NPHS1: variants seen among roughly 807,000 people sequenced by gnomAD.
The protein encoded by NPHS1 is nephrin.
In NPHS1, 107 loss-of-function variants were observed where a neutral mutation model predicts 139.7. The ratio of observed to expected loss-of-function variants is 0.77; its 90% CI spans 0.66 to 0.90. The LOEUF (loss-of-function observed/expected upper bound fraction) is 0.90, where lower values mean the gene tolerates loss of function less well. Among genes scored for constraint, NPHS1 ranks in the 40% least tolerant of loss-of-function variants. The pLI, the probability that NPHS1 is intolerant of heterozygous loss-of-function variation, is 0.00. For missense variants in NPHS1, 1,580 were observed against 1,654.2 expected (o/e 0.96, Z 0.78); for synonymous variants, 707 against 706.6 (o/e 1.00, Z -0.01).
chr19:35,840,805 C>G (rs562589747), intron 20 of NPHS1, among the ~76,000 whole-genome samples: 1 of 151,096 alleles, frequency 6.6e-6, no homozygotes, highest in East Asian at 2.0e-4. Flanking sequence ...TCTTCTGCCT[C>G]AGCCTCCCGA....
At position 35,845,915 on chromosome 19, in the gene NPHS1, G is replaced by T. The variant is rs1973133261; in HGVS notation, c.1627+93C>A. ...CGGGTCCCCCACCCCGCCTCCGCCCGCTTTCCCCGGGTCCAGGGTTCGCTG... is the reference window on the plus strand; with the variant it reads ...CGGGTCCCCCACCCCGCCTCCGCCCTCTTTCCCCGGGTCCAGGGTTCGCTG... On this transcript the variant is annotated intron_variant, in intron 12 of 28. Transcript: ENST00000378910. This position sits in a 1 kb window ranked among gnomAD's most constrained non-coding sequence, Gnocchi z 5.5. 2 of 1,521,698 alleles carry T rather than the reference G, an allele frequency of 1.3e-6. No homozygotes were observed. The highest frequency in any genetic ancestry group is 1.4e-5 in the African/African-American group (1 of 72,628). The allele number at this position is 1,521,698 out of a possible 1,614,324, so 94.3% of individuals were successfully genotyped here.
At position 35,845,370 on chromosome 19, in the gene NPHS1, A is replaced by G. The variant is rs386833898; in HGVS notation, c.1928T>C (p.Leu643Pro). The G allele has an allele frequency of 6.2e-7, 1 of 1,614,236 alleles. No individual in the cohort carries two copies. Among genetic ancestry groups the G allele is most frequent in the South Asian group, 1.1e-5 (1 of 91,082 alleles). The change falls in exon 14 of 29, where the codon CTG becomes CCG. Residue 643 changes from leucine to proline, a missense_variant and splice_region_variant. Leu to Pro is a moderately conservative substitution (Grantham distance 98, BLOSUM62 -3). Coordinates refer to ENST00000378910, the MANE Select transcript of NPHS1 (RefSeq NM_004646.4). The surrounding 1 kb of genome is among the most constrained non-coding windows in gnomAD (Gnocchi z 5.5). ...GGCTTTCAGGCCGGGGCACATACAC[A>G]GTACGTTGAGGCGATAGAAGGAGCT... ...TVSSFYRLNVLYRPEFLGEQV... is the reference protein window; with the variant it reads ...TVSSFYRLNVPYRPEFLGEQV...
Position 35,826,447 on chromosome 19 carries a change from C to G in NPHS1, c.*67G>C. The G allele has an allele frequency of 6.3e-7, 1 of 1,598,774 alleles. No individual in the cohort carries two copies. The highest frequency in any genetic ancestry group is 8.6e-7 in the Non-Finnish European group (1 of 1,167,924). The stretch of plus-strand genomic sequence containing the variant: ...GCTCACCTAACCAGCTCGGCCCAGG[C>G]TGTAATGAGAGAGACCAGTGGAGTG... On this transcript the variant is annotated 3_prime_UTR_variant, in exon 29 of 29. Coordinates refer to ENST00000378910, the MANE Select transcript of NPHS1 (RefSeq NM_004646.4).
intron 23 of NPHS1, among the ~76,000 whole-genome samples, chr19:35,833,062 T>G (rs1185798799): frequency 6.0e-5 from 9 of 150,130 alleles, no homozygotes; most frequent in Non-Finnish European, 1.2e-4. Context: ...TTTTTTTTTT[T>G]TTTGTATTTT....
chr19:35,842,342 GGCA>G, intron 18 of NPHS1, 34 bp downstream of exon 18: 1 of 1,612,692 alleles, frequency 6.2e-7, no homozygotes, highest in Non-Finnish European at 8.5e-7. Flanking sequence ...TGGGTTCAGT[GGCA>G]GGTCTTGAAG....
rs1490164118 is a variant in NPHS1 at position 35,850,262 on chromosome 19, T to C, written c.608+102A>G. Reference sequence around the variant, plus strand: ...TCAGGATGAAGAATTGGGTCCCAGATGTTCATACCTAGCCCAAGCTTCATG... The same window carrying C: ...TCAGGATGAAGAATTGGGTCCCAGACGTTCATACCTAGCCCAAGCTTCATG... On this transcript the variant is annotated intron_variant, in intron 5 of 28. Coordinates refer to ENST00000378910, the MANE Select transcript of NPHS1 (RefSeq NM_004646.4). 50 of 887,070 alleles carry C rather than the reference T, an allele frequency of 5.6e-5. No individual in the cohort carries two copies. The Admixed American group carries it at 9.2e-4, about 16-fold the overall frequency. 54.9% of individuals were successfully genotyped at this position (887,070 alleles called of 1,614,324 possible). A position where few individuals can be genotyped will look rare whatever the true frequency, so the allele number is the denominator to read the frequency against.
In NPHS1 at chr19:35,843,542, C is replaced by T. The variant is rs750854389; in HGVS notation, c.2264G>A (p.Gly755Asp). 34 of 1,613,964 alleles carry T rather than the reference C, an allele frequency of 2.1e-5. No individual in the cohort carries two copies. Among genetic ancestry groups the T allele is most frequent in the Non-Finnish European group, 2.8e-5 (33 of 1,179,986 alleles). Residue 755 changes from glycine to aspartate, a missense_variant, in exon 17 of 29, where the codon GGT (glycine) becomes GAT (aspartate). Gly to Asp is a moderately conservative substitution (Grantham distance 94). Transcript: ENST00000378910. Reference protein sequence around the residue: ...LQDPTEVNVGGSVDIVCTVDA... With the variant: ...LQDPTEVNVGDSVDIVCTVDA... ...GACAGTGCAGACTATGTCCACAGAA[C>T]CCCCGACGTTCACCTCAGTGGGGTC...
rs760440966 is a variant in NPHS1, at chr19:35,831,346, C to T, written c.3337G>A (p.Glu1113Lys). Reference protein sequence around the residue: ...AGSEEDRVRNEYEESQWTGER... With the variant: ...AGSEEDRVRNKYEESQWTGER... ...CCTGTCCACTGGCTCTCCTCATATT[C>T]GTTCCTGACTCGGTCCTCTTCCGAC... Residue 1113 changes from glutamate to lysine, a missense_variant, in exon 26 of 29, where the codon GAA becomes AAA. Physicochemically the swap from Glu to Lys is moderately conservative, Grantham distance 56. Transcript: ENST00000378910. 21 of 1,613,960 alleles carry T rather than the reference C, an allele frequency of 1.3e-5. No individual in the cohort carries two copies. In the East Asian group the frequency reaches 1.3e-4, roughly 10 times the overall value.
Position 35,849,002 on chromosome 19 carries a change from T to C in NPHS1, c.986A>G (p.Glu329Gly). 6.2e-7 allele frequency: 1 copy of C among 1,612,230 alleles called. No homozygotes were observed. Among genetic ancestry groups the C allele is most frequent in the Non-Finnish European group, 8.5e-7 (1 of 1,180,038 alleles). The change falls in exon 8 of 29, where the codon GAG (glutamate) becomes GGG (glycine). Residue 329 changes from glutamate to glycine, a missense_variant. Physicochemically the swap from Glu to Gly is moderately conservative, Grantham distance 98. Coordinates refer to ENST00000378910, the MANE Select transcript of NPHS1 (RefSeq NM_004646.4). ...GGTGACCTGCAGTGTGATGCCGTGCTCCTGGGTCCCTGCAGACACGCTGTT... is the reference window on the plus strand; with the variant it reads ...GGTGACCTGCAGTGTGATGCCGTGCCCCTGGGTCCCTGCAGACACGCTGTT... ...AHNSVSAGTQ[E>G]HGITLQVTFP...
chr19:35,839,604 C>T lies in NPHS1; in HGVS notation c.2819G>A (p.Arg940His), dbSNP rs772278981. Residue 940 changes from arginine (R) to histidine (H), a missense_variant, in exon 21 of 29, where the codon CGC becomes CAC. Arg to His is a conservative substitution (Grantham distance 29). Transcript: ENST00000378910. Reference sequence around the variant, plus strand: ...CTTTAATCCTGATGGAGGGTCAGGGCGGCCTATGGGGAGAAAGATGGGAAA... The same window carrying T: ...CTTTAATCCTGATGGAGGGTCAGGGTGGCCTATGGGGAGAAAGATGGGAAA... The part of the protein sequence containing the change: ...QTNIQLVSIS[R>H]PDPPSGLKVV... 6.8e-6 allele frequency: 11 copies of T among 1,613,058 alleles called. No individual in the cohort carries two copies. Among genetic ancestry groups the T allele is most frequent in the South Asian group, 3.3e-5 (3 of 91,062 alleles).
Position 35,851,492 on chromosome 19 carries a change from A to G in NPHS1, c.239T>C (p.Phe80Ser). The G allele has an allele frequency of 6.2e-7, 1 of 1,613,640 alleles. No individual in the cohort carries two copies. Among genetic ancestry groups the G allele is most frequent in the Non-Finnish European group, 8.5e-7 (1 of 1,179,970 alleles). The change falls in exon 2 of 29, where the codon TTC (phenylalanine) becomes TCC (serine). Residue 80 changes from phenylalanine (F) to serine (S), a missense_variant. Phe to Ser is a radical substitution (Grantham distance 155, BLOSUM62 -2). Transcript: ENST00000378910. ...GTCCCCTTCCAGGCGGTACCTCGGGAAGCCTGGGATCCTGGGGTCGGGGCC... is the reference window on the plus strand; with the variant it reads ...GTCCCCTTCCAGGCGGTACCTCGGGGAGCCTGGGATCCTGGGGTCGGGGCC... ...LLGPDPRIPG[F>S]PRYRLEGDPA...
In NPHS1 at chr19:35,851,060, C is replaced by G. The variant is rs540253444; in HGVS notation, c.427G>C (p.Glu143Gln). ...VPPKLLLLTP[E>Q]AGTMVTWVAG... ...ACCCAGGTGACCATGGTGCCTGCCT[C>G]TGGGGTCAGCAGGAGCAGCTTGGGA... is the stretch of plus-strand genomic sequence containing the variant. The change falls in exon 4 of 29, where the codon GAG (glutamate) becomes CAG (glutamine). Residue 143 changes from glutamate to glutamine, a missense_variant. By Grantham distance (29) the Glu-to-Gln change is conservative. Transcript: ENST00000378910. 7.1e-5 allele frequency: 114 copies of G among 1,614,074 alleles called. No individual in the cohort carries two copies. The highest frequency in any genetic ancestry group is 1.6e-4 in the Middle Eastern group (1 of 6,084).
chr19:35,836,148 A>G (rs1252466182), intron 22 of NPHS1, among the ~76,000 whole-genome samples: 3 of 129,042 alleles, frequency 2.3e-5, no homozygotes, highest in Non-Finnish European at 5.1e-5. Context: ...TTTAGTAGAG[A>G]TGGGGTTTCA....
intron 6 of NPHS1, 78 bp from the exon 7 acceptor site, chr19:35,849,441 C>T: frequency 6.3e-7 from 1 of 1,599,092 alleles, no homozygotes; most frequent in Non-Finnish European, 8.5e-7. Flanking sequence ...CCTTTGAACC[C>T]CCATGTTTCT....
chr19:35,850,529 G>A (rs1973223930), intron 4 of NPHS1, 84 bp from the exon 5 acceptor site: 1 of 1,159,088 alleles, frequency 8.6e-7, no homozygotes. Context: ...TCCTCAGGGT[G>A]GGTGCGATGC....
chr19:35,849,564 G>C lies in NPHS1; in HGVS notation c.698C>G (p.Thr233Ser). ...TCTCCACTTACACAGAACATTCACG[G>C]TGAATGAGGCCTTGATGGGGGCCTC... ...ALEAPIKASFTVNVLFPPGPP... is the reference protein window; with the variant it reads ...ALEAPIKASFSVNVLFPPGPP... Residue 233 changes from threonine to serine, a missense_variant, in exon 6 of 29, where the codon ACC (threonine) becomes AGC (serine). Thr to Ser is a moderately conservative substitution (Grantham distance 58, BLOSUM62 1). Transcript: ENST00000378910. 6.2e-7 allele frequency: 1 copy of C among 1,613,796 alleles called. No individual in the cohort carries two copies. Among genetic ancestry groups the C allele is most frequent in the Non-Finnish European group, 8.5e-7 (1 of 1,179,732 alleles).
At position 35,839,604 on chromosome 19, in the gene NPHS1, C is replaced by A; in HGVS notation, c.2819G>T (p.Arg940Leu). ...CTTTAATCCTGATGGAGGGTCAGGG[C>A]GGCCTATGGGGAGAAAGATGGGAAA... is the stretch of plus-strand genomic sequence containing the variant. ...QTNIQLVSIS[R>L]PDPPSGLKVV... The change falls in exon 21 of 29, where the codon CGC (arginine) becomes CTC (leucine). Residue 940 changes from arginine to leucine, a missense_variant. Physicochemically the swap from Arg to Leu is moderately radical, Grantham distance 102 (BLOSUM62 -2). Coordinates refer to ENST00000378910, the MANE Select transcript of NPHS1 (RefSeq NM_004646.4). The A allele has an allele frequency of 5.6e-6, 9 of 1,613,176 alleles. No individual in the cohort carries two copies. Among genetic ancestry groups the A allele is most frequent in the Middle Eastern group, 1.6e-4 (1 of 6,062 alleles).
In NPHS1 at chr19:35,851,617, AG is replaced by A; in HGVS notation, c.113del (p.Pro38LeufsTer4). ...ASVPRGFWAL[P>X]ENLTVVEGAS... Reference sequence around the variant, plus strand: ...CCCCCTCCACCACCGTCAGGTTTTCAGGCAGGGCCCAGAAGCCCCGGGGAAC... The same window carrying A: ...CCCCCTCCACCACCGTCAGGTTTTCAGCAGGGCCCAGAAGCCCCGGGGAAC... On this transcript the variant is annotated frameshift_variant, in exon 2 of 29. Transcript: ENST00000378910. LOFTEE classifies it high-confidence loss of function. The A allele has an allele frequency of 6.2e-7, 1 of 1,613,952 alleles. No homozygotes were observed.
Position 35,849,231 on chromosome 19 carries a change from C to G in NPHS1, c.840+5G>C, listed in dbSNP as rs766353630. On this transcript the variant is annotated splice_donor_5th_base_variant and intron_variant, in intron 7 of 28. Coordinates refer to ENST00000378910, the MANE Select transcript of NPHS1 (RefSeq NM_004646.4). ...CCCATTCCCCATGCCCGCGTTTGCC[C>G]TCACCTTCAGCCACTGCAGTGTGGC... 3.6e-5 allele frequency: 58 copies of G among 1,613,800 alleles called. 1 individual carries two copies. Among genetic ancestry groups the G allele is most frequent in the Non-Finnish European group, 4.7e-5 (56 of 1,180,052 alleles).
Sources: allele counts gnomAD v4.1 joint callset (sites outside exome capture counted in the v4.1 genomes callset), GRCh38; gene constraint gnomAD v4.1.1; non-coding constraint Gnocchi (gnomAD v3.1); transcripts MANE v1.5; gene names NCBI Gene and HGNC (gene_info 2026-07-23, HGNC 2026-07-21).